ZFAND3: variants seen among roughly 807,000 people sequenced by gnomAD.
ZFAND3 encodes AN1-type zinc finger protein 3.
Under a neutral mutation model 29.6 loss-of-function variants are expected in ZFAND3, and 10 were observed. The observed-to-expected ratio is 0.34, with a 90% CI of 0.21 to 0.57. ZFAND3 has a LOEUF of 0.57. ZFAND3 is among the 20% of genes least tolerant of loss of function. ZFAND3 has a pLI of 0.86. For synonymous variants in ZFAND3, 128 were observed against 112.6 expected (o/e 1.14, Z -0.87); for missense variants, 230 against 304.5 (o/e 0.76, Z 1.82).
intron 1 of ZFAND3, among the ~76,000 whole-genome samples, chr6:37,905,121 A>G (rs921509354): frequency 4.6e-5 from 7 of 152,176 alleles, no homozygotes; most frequent in African/African-American, 1.4e-4. Context: ...AAGGTCTGAC[A>G]TCATAACTAG....
intron 2 of ZFAND3, among the ~76,000 whole-genome samples, chr6:37,982,487 C>T (rs1762596728): frequency 6.6e-6 from 1 of 152,098 alleles, no homozygotes; most frequent in African/African-American, 2.4e-5. Flanking sequence ...ACCACATATG[C>T]AACAGTGGTC....
At chr6:37,994,187 G>C (rs1194632679) in intron 2 of ZFAND3, among the ~76,000 whole-genome samples, 1 of 152,134 alleles carries the variant, frequency 6.6e-6, no homozygotes. Flanking sequence ...ATAATGTTAT[G>C]ATCCTGAAGA....
At chr6:38,037,960 T>C (rs1763690743) in intron 2 of ZFAND3, among the ~76,000 whole-genome samples, 1 of 152,170 alleles carries the variant, frequency 6.6e-6, no homozygotes, top group African/African-American at 2.4e-5. Context: ...ATGATCTTGG[T>C]ATGTATTATA....
intron 2 of ZFAND3, among the ~76,000 whole-genome samples, chr6:38,041,615 G>T (rs956243572): frequency 6.9e-6 from 1 of 145,122 alleles, no homozygotes. Context: ...TGTCACCACT[G>T]TTTTTTTATC....
intron 5 of ZFAND3, among the ~76,000 whole-genome samples, chr6:38,124,933 G>A (rs1406658242): frequency 6.6e-6 from 1 of 152,246 alleles, no homozygotes; most frequent in Non-Finnish European, 1.5e-5. Context: ...CTGTTTATAT[G>A]CTGAGTCTGG....
At chr6:38,047,706 T>C (rs2127458689) in intron 2 of ZFAND3, among the ~76,000 whole-genome samples, 1 of 152,288 alleles carries the variant, frequency 6.6e-6, no homozygotes, top group Non-Finnish European at 1.5e-5. Context: ...GGTGGTTCCA[T>C]TTCTCTTTTC....
chr6:37,882,411 T>A (rs1381941850), intron 1 of ZFAND3, among the ~76,000 whole-genome samples: 1 of 152,056 alleles, frequency 6.6e-6, no homozygotes, highest in Non-Finnish European at 1.5e-5. Context: ...AGGATACTTG[T>A]TAAGGTTAGG....
At chr6:37,977,412 G>A (rs1762499023) in intron 2 of ZFAND3, among the ~76,000 whole-genome samples, 1 of 152,000 alleles carries the variant, frequency 6.6e-6, no homozygotes, top group African/African-American at 2.4e-5. Context: ...AGTGATTCTC[G>A]TGCGTTAGCC....
Position 37,853,038 on chromosome 6 carries a change from C to T in ZFAND3, c.71+33022C>T, listed in dbSNP as rs574121057. On this transcript the variant is annotated intron_variant, in intron 1 of 5. Transcript: ENST00000287218. ...GGTAAGAATTGTGAAAAGCTGATTGCGACTGGTGCCCTTGTAGGTCAATAA... is the reference window on the plus strand; with the variant it reads ...GGTAAGAATTGTGAAAAGCTGATTGTGACTGGTGCCCTTGTAGGTCAATAA... Among the ~76,000 whole-genome samples, 191 of 152,186 alleles carry T rather than the reference C, an allele frequency of 1.3e-3. 1 individual carries two copies. Among genetic ancestry groups the T allele is most frequent in the African/African-American group, 1.6e-3 (66 of 41,504 alleles).
chr6:37,870,292 CA>C (rs1174577231), intron 1 of ZFAND3, among the ~76,000 whole-genome samples: 7,136 of 33,074 alleles, frequency 0.22, 111 homozygotes, highest in East Asian at 0.41. Context: ...GAGACTGTCT[CA>C]AAAAAAAAAA....
At chr6:37,983,736 C>T (rs1218259489) in intron 2 of ZFAND3, among the ~76,000 whole-genome samples, 1 of 151,922 alleles carries the variant, frequency 6.6e-6, no homozygotes, top group Non-Finnish European at 1.5e-5. Context: ...TCACAAATAC[C>T]TTTGTTTTAT....
chr6:38,119,781 C>T (rs1765493026), intron 5 of ZFAND3, among the ~76,000 whole-genome samples: 1 of 152,218 alleles, frequency 6.6e-6, no homozygotes, highest in Non-Finnish European at 1.5e-5. Flanking sequence ...AGAGCACACA[C>T]AGACACATTC....
chr6:38,136,068 G>T (rs1765837498), intron 5 of ZFAND3, among the ~76,000 whole-genome samples: 1 of 152,220 alleles, frequency 6.6e-6, no homozygotes, highest in Non-Finnish European at 1.5e-5. Context: ...AAATGGAGGT[G>T]TGATGGTGGG....
At chr6:37,932,833 A>T (rs1316741328) in intron 2 of ZFAND3, among the ~76,000 whole-genome samples, 1 of 152,190 alleles carries the variant, frequency 6.6e-6, no homozygotes, top group African/African-American at 2.4e-5. Flanking sequence ...CTTTTATAAA[A>T]ATATTAGGAC....
intron 1 of ZFAND3, among the ~76,000 whole-genome samples, chr6:37,834,485 A>G (rs1308150410): frequency 1.3e-5 from 2 of 152,206 alleles, no homozygotes; most frequent in African/African-American, 2.4e-5. Context: ...TTGTGTGGAC[A>G]TAAGTTTTCA....
At chr6:38,021,470 C>T (rs1763347648) in intron 2 of ZFAND3, among the ~76,000 whole-genome samples, 1 of 151,954 alleles carries the variant, frequency 6.6e-6, no homozygotes, top group Non-Finnish European at 1.5e-5. Context: ...TCAATGATAC[C>T]CCCAGGACTA....
intron 5 of ZFAND3, among the ~76,000 whole-genome samples, chr6:38,124,960 G>A (rs1036500434): frequency 6.6e-6 from 1 of 152,200 alleles, no homozygotes; most frequent in Non-Finnish European, 1.5e-5. Context: ...AAAGACTAAA[G>A]CTTCTCCAGT....
At position 38,037,770 on chromosome 6, in the gene ZFAND3, G is replaced by A. The variant is rs114109395; in HGVS notation, c.113-23823G>A. The stretch of plus-strand genomic sequence containing the variant: ...TTTATCATTCTAATGAAAGGCGGGC[G>A]TGTAGGTTATGCGCTGTTCTGGAGA... On this transcript the variant is annotated intron_variant, in intron 2 of 5. Coordinates refer to ENST00000287218, the MANE Select transcript of ZFAND3 (RefSeq NM_021943.3). Among the ~76,000 whole-genome samples the A allele has an allele frequency of 7.2e-3, 1,104 of 152,296 alleles. 8 individuals carry two copies. The highest frequency in any genetic ancestry group is 0.024 in the Middle Eastern group (7 of 294).
intron 2 of ZFAND3, among the ~76,000 whole-genome samples, chr6:37,974,286 A>T (rs1762439206): frequency 6.6e-6 from 1 of 151,796 alleles, no homozygotes; most frequent in Admixed American, 6.6e-5. Context: ...CTGGTCTCGA[A>T]CTTCTGACCT....
Sources: allele counts gnomAD v4.1 joint callset (sites outside exome capture counted in the v4.1 genomes callset), GRCh38; gene constraint gnomAD v4.1.1; transcripts MANE v1.5; gene names NCBI Gene and HGNC (gene_info 2026-07-23, HGNC 2026-07-21).